Variants in SPMIP3 observed in about 807,000 individuals in gnomAD.
SPMIP3 encodes sperm microtubule inner protein 3.
chr1:244,360,558 ATGCATG>A, the SPMIP3 span, among the ~76,000 whole-genome samples: 3,851 of 25,306 alleles, frequency 0.15, 173 homozygotes, highest in African/African-American at 0.22. Context: ...ACACACACAC[ATGCATG>A]CATGGAATAT....
chr1:244,353,700 A>G, the SPMIP3 span, among the ~76,000 whole-genome samples: 5 of 152,204 alleles, frequency 3.3e-5, no homozygotes, highest in African/African-American at 9.7e-5. Context: ...AGGCTAGAGA[A>G]GGAAAAAAGA....
chr1:244,369,131 G>A, the SPMIP3 span, among the ~76,000 whole-genome samples: 1 of 152,116 alleles, frequency 6.6e-6, no homozygotes, highest in African/African-American at 2.4e-5. Flanking sequence ...CTGCACTCCA[G>A]CCTGGCGACA....
the SPMIP3 span, among the ~76,000 whole-genome samples, chr1:244,362,955 C>A: frequency 6.6e-6 from 1 of 150,634 alleles, no homozygotes; most frequent in African/African-American, 2.4e-5. Flanking sequence ...GCGATCCTCC[C>A]GCCTCAGCCT....
the SPMIP3 span, among the ~76,000 whole-genome samples, chr1:244,379,503 G>T: frequency 8.5e-5 from 13 of 152,132 alleles, no homozygotes; most frequent in African/African-American, 3.1e-4. Flanking sequence ...ACCACACCTG[G>T]TTGACCACTC....
At chr1:244,364,898 G>T in the SPMIP3 span, 1 of 900,102 alleles carries the variant, frequency 1.1e-6, no homozygotes. Flanking sequence ...GATATTTCCT[G>T]ATGAGCAGGT....
At chr1:244,354,089 G>A in the SPMIP3 span, among the ~76,000 whole-genome samples, 4,548 of 152,136 alleles carry the variant, frequency 0.03, 200 homozygotes, top group East Asian at 0.24. Flanking sequence ...GAAAGTCAAC[G>A]GATGCAACTT....
At chr1:244,356,614 C>A in the SPMIP3 span, among the ~76,000 whole-genome samples, 1 of 152,092 alleles carries the variant, frequency 6.6e-6, no homozygotes, top group Non-Finnish European at 1.5e-5. Flanking sequence ...GGTCTGGGGG[C>A]CAACATTAGT....
At chr1:244,387,161 G>C in the SPMIP3 span, among the ~76,000 whole-genome samples, 1 of 152,110 alleles carries the variant, frequency 6.6e-6, no homozygotes, top group African/African-American at 2.4e-5. Context: ...AATTAGCCAG[G>C]GGTGGTGGCG....
chr1:244,389,155 C>T, the SPMIP3 span: 1 of 976,402 alleles, frequency 1.0e-6, no homozygotes, highest in Non-Finnish European at 1.6e-6. Context: ...CTTTCAGTTT[C>T]AGTGTGTATA....
the SPMIP3 span, among the ~76,000 whole-genome samples, chr1:244,364,428 T>C: frequency 6.6e-6 from 1 of 152,186 alleles, no homozygotes; most frequent in Non-Finnish European, 1.5e-5. Flanking sequence ...CTTATTGATT[T>C]ATACTTATTT....
chr1:244,373,873 G>A, the SPMIP3 span, among the ~76,000 whole-genome samples: 3 of 151,996 alleles, frequency 2.0e-5, no homozygotes, highest in Non-Finnish European at 4.4e-5. Context: ...CAGCACTTTG[G>A]GAGGCCAAGG....
At chr1:244,369,536 G>A in the SPMIP3 span, among the ~76,000 whole-genome samples, 15 of 152,242 alleles carry the variant, frequency 9.9e-5, no homozygotes, top group East Asian at 1.9e-4. Flanking sequence ...GGTTAAGAGC[G>A]GAGGTTTAAT....
chr1:244,355,299 T>C, the SPMIP3 span, among the ~76,000 whole-genome samples: 1 of 152,234 alleles, frequency 6.6e-6, no homozygotes, highest in Admixed American at 6.5e-5. Flanking sequence ...TCCCCACCCC[T>C]TTCTACCAGA....
At chr1:244,362,685 C>T in the SPMIP3 span, among the ~76,000 whole-genome samples, 2 of 152,066 alleles carry the variant, frequency 1.3e-5, no homozygotes, top group Admixed American at 6.6e-5. Context: ...TCTCCTGCTA[C>T]ACCACTAGCC....
chr1:244,378,450 C>T, the SPMIP3 span: 2 of 1,592,542 alleles, frequency 1.3e-6, no homozygotes, highest in East Asian at 4.5e-5. Flanking sequence ...CAGCAAACTA[C>T]TTCTATTTCC....
chr1:244,365,069 A>G, the SPMIP3 span, among the ~76,000 whole-genome samples: 1 of 152,198 alleles, frequency 6.6e-6, no homozygotes, highest in African/African-American at 2.4e-5. Context: ...TGTCTGCGCC[A>G]TTACCCCTGA....
the SPMIP3 span, among the ~76,000 whole-genome samples, chr1:244,386,477 T>C: frequency 6.6e-6 from 1 of 152,218 alleles, no homozygotes; most frequent in Non-Finnish European, 1.5e-5. Flanking sequence ...TCTCACAACA[T>C]TGACTGTTGA....
the SPMIP3 span, among the ~76,000 whole-genome samples, chr1:244,386,916 T>A: frequency 6.6e-6 from 1 of 152,256 alleles, no homozygotes; most frequent in South Asian, 2.1e-4. Context: ...GGCAAATTAA[T>A]CTTTTTGAGA....
At chr1:244,368,986 C>T in the SPMIP3 span, among the ~76,000 whole-genome samples, 2 of 152,106 alleles carry the variant, frequency 1.3e-5, no homozygotes, top group Non-Finnish European at 1.5e-5. Context: ...GGTAAAACCC[C>T]GTCTCTACTA....
Sources: allele counts gnomAD v4.1 joint callset (sites outside exome capture counted in the v4.1 genomes callset), GRCh38; gene constraint gnomAD v4.1.1; transcripts MANE v1.5; gene names NCBI Gene and HGNC (gene_info 2026-07-23, HGNC 2026-07-21).